PREPL: variants seen among roughly 807,000 people sequenced by gnomAD.
PREPL encodes prolyl endopeptidase like.
PREPL carries 77 observed loss-of-function variants against 70.6 expected under a neutral mutation model. The observed-to-expected ratio is 1.09, with a 90% confidence interval of 0.91 to 1.32. PREPL has a LOEUF of 1.32. PREPL is among the 40% of genes most tolerant of loss of function. The pLI is 0.00. For synonymous variants in PREPL, 315 were observed against 264.8 expected (o/e 1.19, Z -1.84); for missense variants, 1,002 against 778.2 (o/e 1.29, Z -3.42).
In PREPL at chr2:44,317,919, A is replaced by G; in HGVS notation, c.*3437T>C. ...AACAAAAACAGACATAAGAAACACT[A>G]ACATAAAACACAAAGAATTAAAATG... On this transcript the variant is annotated 3_prime_UTR_variant, in exon 14 of 14. Transcript: ENST00000409411. The G allele has an allele frequency of 4.0e-6, 1 of 247,892 alleles. No homozygotes were observed. Among genetic ancestry groups the G allele is most frequent in the Non-Finnish European group, 8.2e-6 (1 of 122,648 alleles). 15.4% of individuals were successfully genotyped at this position (247,892 alleles called of 1,614,324 possible).
At chr2:44,340,323 AGT>A (rs1408773957) in intron 5 of PREPL, among the ~76,000 whole-genome samples, 1 of 152,144 alleles carries the variant, frequency 6.6e-6, no homozygotes, top group Non-Finnish European at 1.5e-5. Flanking sequence ...TAATTTAATA[AGT>A]GTATTTTTAT....
chr2:44,337,008 A>T (rs1223328647), intron 7 of PREPL, among the ~76,000 whole-genome samples: 1 of 152,114 alleles, frequency 6.6e-6, no homozygotes, highest in African/African-American at 2.4e-5. Context: ...CCACTCCTCA[A>T]ACCATTCCCC....
chr2:44,323,515 T>C (rs1232136304), intron 10 of PREPL, 104 bp from the exon 11 acceptor site: 22 of 918,052 alleles, frequency 2.4e-5, no homozygotes, highest in Non-Finnish European at 3.4e-5. Flanking sequence ...TGAGAGAAAA[T>C]AACTCAAGCC....
intron 7 of PREPL, among the ~76,000 whole-genome samples, chr2:44,336,644 A>G (rs1241318371): frequency 6.6e-6 from 1 of 152,194 alleles, no homozygotes; most frequent in South Asian, 2.1e-4. Flanking sequence ...CAATTTATCT[A>G]TTAAACCAAC....
rs1280972878 is a variant in PREPL at position 44,344,438 on chromosome 2, A to T, written c.142+82T>A. The T allele has an allele frequency of 8.5e-6, 9 of 1,060,662 alleles. No individual in the cohort carries two copies. The African/African-American group carries it at 1.5e-4, about 17-fold the overall frequency. The allele number at this position is 1,060,662 out of a possible 1,614,324, so 65.7% of individuals were successfully genotyped here. The stretch of plus-strand genomic sequence containing the variant: ...TAATCTTTAAAAAAATCTTTTCTCT[A>T]TCTTTGAGAAATTAATAAATTTCCT... On this transcript the variant is annotated intron_variant, in intron 3 of 13. Coordinates refer to ENST00000409411, the MANE Select transcript of PREPL (RefSeq NM_001171613.2).
intron 5 of PREPL, among the ~76,000 whole-genome samples, chr2:44,341,819 C>T (rs557956202): frequency 6.6e-6 from 1 of 151,434 alleles, no homozygotes; most frequent in African/African-American, 2.4e-5. Context: ...TTCCTTGATA[C>T]CCAATTGAAA....
chr2:44,343,851 C>G lies in PREPL; in HGVS notation c.243G>C (p.Val81=). 1 of 1,613,958 alleles carries G rather than the reference C, an allele frequency of 6.2e-7. No homozygotes were observed. Among genetic ancestry groups the G allele is most frequent in the South Asian group, 1.1e-5 (1 of 91,074 alleles). ...AATCTTCAGTTCTTATCTTGGCAGC[C>G]ACATATTTTTCATCTGGAGCAACTC... is the stretch of plus-strand genomic sequence containing the variant. ...CIRVAPDEKY[V]AAKIRTEDSE... Residue 81 remains valine (V), a synonymous_variant, in exon 4 of 14, where the codon GTG becomes GTC. Coordinates refer to ENST00000409411, the MANE Select transcript of PREPL (RefSeq NM_001171613.2).
rs759242783 is a variant in PREPL at position 44,343,961 on chromosome 2, G to C, written c.143-10C>G. On this transcript the variant is annotated splice_polypyrimidine_tract_variant and intron_variant, in intron 3 of 13. Coordinates refer to ENST00000409411, the MANE Select transcript of PREPL (RefSeq NM_001171613.2). ...TAATTATCATTGTCTGCTGTATAAA[G>C]AAAAATACGAAAGTGATAACTTCAA... is the stretch of plus-strand genomic sequence containing the variant. 3.7e-6 allele frequency: 6 copies of C among 1,609,362 alleles called. No individual in the cohort carries two copies. Among genetic ancestry groups the C allele is most frequent in the Non-Finnish European group, 5.1e-6 (6 of 1,178,614 alleles).
Position 44,346,130 on chromosome 2 carries a change from T to A in PREPL, c.75+138A>T, listed in dbSNP as rs1675792201. ...TCACAATCTCTGAAATCTTTGCTTTTTAAGTTTTTCAGCATATTTTAAAGG... is the reference window on the plus strand; with the variant it reads ...TCACAATCTCTGAAATCTTTGCTTTATAAGTTTTTCAGCATATTTTAAAGG... On this transcript the variant is annotated intron_variant, in intron 2 of 13. Transcript: ENST00000409411. 1.1e-5 allele frequency: 7 copies of A among 633,140 alleles called. No homozygotes were observed. In the South Asian group the frequency reaches 2.1e-4, roughly 19 times the overall value. The allele number at this position is 633,140 out of a possible 1,614,324, so 39.2% of individuals were successfully genotyped here. A position where few individuals can be genotyped will look rare whatever the true frequency, so the allele number is the denominator to read the frequency against.
chr2:44,325,269 AGCAGTGATCACAGATAATTTATTCTG>A, intron 10 of PREPL, among the ~76,000 whole-genome samples: 1 of 152,340 alleles, frequency 6.6e-6, no homozygotes, highest in South Asian at 2.1e-4. Flanking sequence ...GATTCAAAGA[AGCAGTGATCACAGATAATTTATTCTG>A]GCAAAAGTGC....
chr2:44,350,888 C>T (rs1351402360), intron 1 of PREPL, among the ~76,000 whole-genome samples: 2 of 152,086 alleles, frequency 1.3e-5, no homozygotes, highest in Non-Finnish European at 2.9e-5. Context: ...CAGGACACCT[C>T]ATTCTCCTTG....
At position 44,322,777 on chromosome 2, in the gene PREPL, C is replaced by T; in HGVS notation, c.1707G>A (p.Glu569=). 1 of 1,613,926 alleles carries T rather than the reference C, an allele frequency of 6.2e-7. No individual in the cohort carries two copies. Among genetic ancestry groups the T allele is most frequent in the Non-Finnish European group, 8.5e-7 (1 of 1,179,842 alleles). ...GCTCCGCGATGGCTTCCTTGAGTTTCTCAGTATAACTTACAATTCCTTTCA... is the reference window on the plus strand; with the variant it reads ...GCTCCGCGATGGCTTCCTTGAGTTTTTCAGTATAACTTACAATTCCTTTCA... ...VPLKGIVSYT[E]KLKEAIAEHA... The change falls in exon 12 of 14, where the codon GAG becomes GAA. Residue 569 remains glutamate (E), a synonymous_variant. Transcript: ENST00000409411.
intron 1 of PREPL, among the ~76,000 whole-genome samples, chr2:44,355,602 G>C (rs1442110051): frequency 2.0e-5 from 3 of 152,120 alleles, no homozygotes; most frequent in African/African-American, 7.2e-5. Flanking sequence ...CTGAGTTACT[G>C]ACAAGGCTTC....
rs1345435536 is a variant in PREPL, at chr2:44,317,705, T to A, written c.*3651A>T. On this transcript the variant is annotated 3_prime_UTR_variant, in exon 14 of 14. Transcript: ENST00000409411. ...CACTAGACATAAAATATAACAATTT[T>A]CAAATTTTCAAAGAATACTAGAAGA... 6.6e-6 allele frequency: 1 copy of A among 152,140 alleles called. No homozygotes were observed. Among genetic ancestry groups the A allele is most frequent in the Non-Finnish European group, 1.5e-5 (1 of 68,190 alleles). 9.4% of individuals were successfully genotyped at this position (152,140 alleles called of 1,614,324 possible). A position where few individuals can be genotyped will look rare whatever the true frequency, so the allele number is the denominator to read the frequency against.
At chr2:44,353,275 C>T (rs1015447066) in intron 1 of PREPL, among the ~76,000 whole-genome samples, 5 of 151,980 alleles carry the variant, frequency 3.3e-5, no homozygotes, top group African/African-American at 7.2e-5. Context: ...AGAATACACA[C>T]GCTTCCTGAT....
At chr2:44,335,590 A>T (rs77592117) in intron 7 of PREPL, among the ~76,000 whole-genome samples, 7,870 of 152,272 alleles carry the variant, frequency 0.052, 258 homozygotes, top group South Asian at 0.14. Flanking sequence ...AAAACCTAAG[A>T]CTATAAAAAC....
intron 13 of PREPL, 175 bp downstream of exon 13, chr2:44,321,652 A>G: frequency 6.6e-7 from 1 of 1,519,252 alleles, no homozygotes; most frequent in Non-Finnish European, 8.8e-7. Flanking sequence ...CAAGTACAAG[A>G]GAGAGACATT....
chr2:44,353,191 G>T (rs1246447926), intron 1 of PREPL, among the ~76,000 whole-genome samples: 1 of 152,154 alleles, frequency 6.6e-6, no homozygotes, highest in Non-Finnish European at 1.5e-5. Flanking sequence ...GCTAACTTAG[G>T]TCTACTTCTG....
chr2:44,336,470 G>A (rs1674653151), intron 7 of PREPL, among the ~76,000 whole-genome samples: 1 of 152,126 alleles, frequency 6.6e-6, no homozygotes, highest in African/African-American at 2.4e-5. Flanking sequence ...TCACTTATAA[G>A]TGGGAGCTAA....
Sources: allele counts gnomAD v4.1 joint callset (sites outside exome capture counted in the v4.1 genomes callset), GRCh38; gene constraint gnomAD v4.1.1; transcripts MANE v1.5; gene names NCBI Gene and HGNC (gene_info 2026-07-23, HGNC 2026-07-21).